The following LINGO2 variants were observed in gnomAD, a reference collection of about 807,000 sequenced individuals.
LINGO2 encodes the protein leucine-rich repeat and immunoglobulin-like domain-containing nogo receptor-interacting protein 2.
In LINGO2, 14 loss-of-function variants were observed where a neutral mutation model predicts 30.6. The ratio of observed to expected loss-of-function variants is 0.46; its 90% CI spans 0.30 to 0.72. LINGO2 has a LOEUF of 0.72. LINGO2 is among the 30% of genes least tolerant of loss of function. The pLI, the probability that LINGO2 is intolerant of heterozygous loss-of-function variation, is 0.07. For missense variants in LINGO2, 729 were observed against 751.7 expected (o/e 0.97, Z 0.35); for synonymous variants, 317 against 288.5 (o/e 1.10, Z -1.00).
chr9:28,148,335 A>G lies in LINGO2; in HGVS notation c.-86-135930T>C, dbSNP rs541413735. The G allele has an allele frequency of 5.6e-5, 51 of 914,684 alleles. 1 individual carries two copies. The East Asian group carries it at 1.3e-3, about 23-fold the overall frequency. The allele number at this position is 914,684 out of a possible 1,614,324, so 56.7% of individuals were successfully genotyped here. A position where few individuals can be genotyped will look rare whatever the true frequency, so the allele number is the denominator to read the frequency against. ...GCTCACAACTCCAGGATGTTTGGAC[A>G]CCTCAGCCCCGTGAGGATTCCTCAT... On this transcript the variant is annotated intron_variant, in intron 4 of 5. Transcript: ENST00000379992. The surrounding 1 kb of genome is among the most constrained non-coding windows in gnomAD (Gnocchi z 5.1).
At chr9:28,679,793 A>G in the LINGO2 span, among the ~76,000 whole-genome samples, 4 of 152,094 alleles carry the variant, frequency 2.6e-5, no homozygotes, top group African/African-American at 9.6e-5. Context: ...CTTTTTAAAC[A>G]TTTTTATTTA....
At chr9:28,011,580 G>T (rs1219770260) in intron 5 of LINGO2, among the ~76,000 whole-genome samples, 3 of 152,168 alleles carry the variant, frequency 2.0e-5, no homozygotes, top group African/African-American at 7.2e-5. Context: ...GCAGTAGAAG[G>T]TCAGGCAGAT....
At chr9:29,162,110 G>C in the LINGO2 span, among the ~76,000 whole-genome samples, 4 of 152,048 alleles carry the variant, frequency 2.6e-5, no homozygotes, top group South Asian at 4.1e-4. Context: ...GGTAGGTACG[G>C]ACTTTCATCA....
At chr9:28,692,513 CT>C in the LINGO2 span, among the ~76,000 whole-genome samples, 2 of 152,080 alleles carry the variant, frequency 1.3e-5, no homozygotes. Flanking sequence ...GTGACAATTT[CT>C]TTCATATTTC....
chr9:28,565,244 G>A (rs1054895570), intron 1 of LINGO2, among the ~76,000 whole-genome samples: 6 of 152,062 alleles, frequency 3.9e-5, no homozygotes, highest in Non-Finnish European at 7.4e-5. Flanking sequence ...CTGGAGTGCA[G>A]TGGCGCCATC....
At chr9:28,999,175 A>G in the LINGO2 span, among the ~76,000 whole-genome samples, 1,267 of 152,242 alleles carry the variant, frequency 8.3e-3, 21 homozygotes, top group African/African-American at 0.029. Context: ...CAGTGTACAC[A>G]TGGTTTTAAT....
chr9:28,265,818 T>C (rs1822728906), intron 4 of LINGO2, among the ~76,000 whole-genome samples: 1 of 151,882 alleles, frequency 6.6e-6, no homozygotes, highest in South Asian at 2.1e-4. Context: ...CAAACAAAAG[T>C]AGAGGTCTTA....
intron 4 of LINGO2, among the ~76,000 whole-genome samples, chr9:28,258,516 C>A (rs1412599162): frequency 1.3e-5 from 2 of 151,916 alleles, no homozygotes; most frequent in African/African-American, 2.4e-5. Context: ...ACACACCCCA[C>A]AAGATTGTTA....
At chr9:28,872,418 C>T in the LINGO2 span, among the ~76,000 whole-genome samples, 1 of 151,836 alleles carries the variant, frequency 6.6e-6, no homozygotes, top group Non-Finnish European at 1.5e-5. Context: ...AAGCAGGAAA[C>T]AATTAAACTA....
intron 1 of LINGO2, among the ~76,000 whole-genome samples, chr9:28,520,873 A>G (rs571120629): frequency 6.6e-6 from 1 of 152,352 alleles, no homozygotes; most frequent in East Asian, 1.9e-4. Context: ...CAGGAATATG[A>G]TAAGCACTAA....
intron 1 of LINGO2, among the ~76,000 whole-genome samples, chr9:28,477,979 G>A (rs912895646): frequency 2.0e-5 from 3 of 151,906 alleles, no homozygotes; most frequent in African/African-American, 7.3e-5. Context: ...AAGGACTTTG[G>A]GAATCAACCC....
At chr9:28,417,164 T>A (rs932580836) in intron 2 of LINGO2, among the ~76,000 whole-genome samples, 1 of 152,118 alleles carries the variant, frequency 6.6e-6, no homozygotes, top group Non-Finnish European at 1.5e-5. Context: ...AAATGGTTAG[T>A]CTGTGAAGGA....
chr9:28,759,133 C>T, the LINGO2 span, among the ~76,000 whole-genome samples: 4 of 151,832 alleles, frequency 2.6e-5, no homozygotes, highest in East Asian at 1.9e-4. Flanking sequence ...TGAAGTGCTC[C>T]GATAGCACAT....
At chr9:28,334,508 T>A (rs1177569276) in intron 3 of LINGO2, among the ~76,000 whole-genome samples, 4 of 152,062 alleles carry the variant, frequency 2.6e-5, no homozygotes, top group African/African-American at 7.2e-5. Flanking sequence ...CTCTACTAAG[T>A]GGGGTTTTTA....
intron 1 of LINGO2, among the ~76,000 whole-genome samples, chr9:28,552,392 A>G (rs892065460): frequency 9.9e-5 from 15 of 152,124 alleles, no homozygotes; most frequent in African/African-American, 3.4e-4. Context: ...ACTTAGCCAT[A>G]GAACCCTAGA....
At chr9:28,139,837 A>G (rs764625587) in intron 4 of LINGO2, among the ~76,000 whole-genome samples, 15 of 152,230 alleles carry the variant, frequency 9.9e-5, no homozygotes, top group Non-Finnish European at 1.3e-4. Flanking sequence ...AATTAAGGTA[A>G]TTCAGAAGCA....
chr9:28,449,500 G>T (rs1824564067), intron 2 of LINGO2, among the ~76,000 whole-genome samples: 1 of 152,022 alleles, frequency 6.6e-6, no homozygotes, highest in Admixed American at 6.6e-5. Context: ...ACTGAGTACT[G>T]CTACTTAAAG....
At chr9:28,117,835 G>A (rs781168258) in intron 4 of LINGO2, among the ~76,000 whole-genome samples, 4 of 151,736 alleles carry the variant, frequency 2.6e-5, no homozygotes, top group African/African-American at 4.8e-5. Flanking sequence ...AGATGAACCC[G>A]GTACCTCAGA....
chr9:29,098,161 C>G, the LINGO2 span, among the ~76,000 whole-genome samples: 1 of 152,098 alleles, frequency 6.6e-6, no homozygotes, highest in Non-Finnish European at 1.5e-5. Flanking sequence ...TAGTTAAATA[C>G]TATAGAGTAA....
Sources: gnomAD v4.1 joint callset for allele counts (sites outside exome capture counted in the v4.1 genomes callset) on GRCh38, gnomAD v4.1.1 for gene constraint, Gnocchi (gnomAD v3.1) non-coding constraint, MANE v1.5 for transcripts, NCBI Gene and HGNC (gene_info 2026-07-23, HGNC 2026-07-21) for gene names.